The following SDK1 variants were observed in gnomAD, a reference collection of about 807,000 sequenced individuals.
The protein encoded by SDK1 is sidekick cell adhesion molecule 1.
Under a neutral mutation model 245.5 loss-of-function variants are expected in SDK1, and 157 were observed. That is an observed-to-expected ratio of 0.64 (90% CI 0.56 to 0.73). The LOEUF is 0.73. SDK1 is among the 30% of genes least tolerant of loss of function. The pLI is 0.00. For missense variants in SDK1, 3,583 were observed against 3,002.3 expected, an observed-to-expected ratio of 1.19 and a Z score of -4.52; for synonymous variants, 1,647 against 1,278.5, an observed-to-expected ratio of 1.29 and a Z score of -6.15.
intron 30 of SDK1, among the ~76,000 whole-genome samples, chr7:4,151,965 C>G (rs1780411854): frequency 6.6e-6 from 1 of 152,146 alleles, no homozygotes; most frequent in Non-Finnish European, 1.5e-5. Context: ...GTATGAAAAC[C>G]CAGTGTGTGT....
chr7:4,190,193 G>C (rs1221416509), intron 35 of SDK1, among the ~76,000 whole-genome samples: 6 of 152,160 alleles, frequency 3.9e-5, no homozygotes, highest in Non-Finnish European at 7.4e-5. Flanking sequence ...TCTCATCATC[G>C]ACGTTCCCAG....
At chr7:4,145,630 C>T (rs1008079908) in intron 28 of SDK1, 92 bp from the exon 29 acceptor site, 3 of 1,131,574 alleles carry the variant, frequency 2.7e-6, no homozygotes, top group African/African-American at 1.6e-5. Flanking sequence ...GACAGATGGC[C>T]TTCCAGGGGT....
intron 1 of SDK1, among the ~76,000 whole-genome samples, chr7:3,430,066 C>G (rs764235276): frequency 6.6e-6 from 1 of 152,226 alleles, no homozygotes; most frequent in South Asian, 2.1e-4. Flanking sequence ...AACTCTGCCT[C>G]TCACCTTGAG....
At chr7:3,487,365 G>A (rs944002482) in intron 1 of SDK1, among the ~76,000 whole-genome samples, 4 of 151,720 alleles carry the variant, frequency 2.6e-5, no homozygotes, top group African/African-American at 4.8e-5. Context: ...CTAAACCATC[G>A]TACTTAACAT....
At chr7:3,410,481 T>C (rs2128577177) in intron 1 of SDK1, among the ~76,000 whole-genome samples, 1 of 152,136 alleles carries the variant, frequency 6.6e-6, no homozygotes. Flanking sequence ...GGATACTCAA[T>C]TTGTGTACAC....
At position 3,710,331 on chromosome 7, in the gene SDK1, C is replaced by G. The variant is rs1785013396; in HGVS notation, c.713+68226C>G. On this transcript the variant is annotated intron_variant, in intron 4 of 44. Coordinates refer to ENST00000404826, the MANE Select transcript of SDK1 (RefSeq NM_152744.4). The stretch of plus-strand genomic sequence containing the variant: ...GGGCGTGAGATCCTCACATACTGAA[C>G]ACACACTTAGTAACTTTCTTGTTGA... Among the ~76,000 whole-genome samples the G allele has an allele frequency of 2.6e-5, 4 of 152,214 alleles. No individual in the cohort carries two copies. The South Asian group carries it at 8.3e-4, about 32-fold the overall frequency.
At position 3,942,133 on chromosome 7, in the gene SDK1, C is replaced by T. The variant is rs888853103; in HGVS notation, c.848-8790C>T. On this transcript the variant is annotated intron_variant, in intron 5 of 44. Coordinates refer to ENST00000404826, the MANE Select transcript of SDK1 (RefSeq NM_152744.4). ...GTGTTAGCTAGGATGGTCTCGATCT[C>T]CTGACCTCATGATCCGCCCACCCAA... 2.0e-5 allele frequency among the ~76,000 whole-genome samples: 3 copies of T among 152,124 alleles called. No homozygotes were observed. The East Asian group carries it at 5.8e-4, about 29-fold the overall frequency.
chr7:3,878,218 A>C (rs1273959599), intron 5 of SDK1, among the ~76,000 whole-genome samples: 1 of 152,220 alleles, frequency 6.6e-6, no homozygotes, highest in Non-Finnish European at 1.5e-5. Context: ...TCAGTTGTTT[A>C]AAAAATAAAT....
At chr7:3,925,566 G>T (rs765364526) in intron 5 of SDK1, among the ~76,000 whole-genome samples, 1 of 152,140 alleles carries the variant, frequency 6.6e-6, no homozygotes, top group Non-Finnish European at 1.5e-5. Context: ...CTCCAGAGAC[G>T]GCGTGTTCTC....
intron 22 of SDK1, among the ~76,000 whole-genome samples, chr7:4,091,836 G>T (rs575685692): frequency 1.3e-5 from 2 of 152,178 alleles, no homozygotes; most frequent in South Asian, 4.2e-4. Flanking sequence ...GAACAGTTCT[G>T]CAGCCCCCTC....
intron 14 of SDK1, among the ~76,000 whole-genome samples, chr7:3,989,091 C>G (rs545750949): frequency 6.6e-6 from 1 of 152,188 alleles, no homozygotes; most frequent in Non-Finnish European, 1.5e-5. Context: ...CTGCCGGCCT[C>G]CCTCTGTTAT....
chr7:4,103,298 C>T (rs1265052786), intron 22 of SDK1, among the ~76,000 whole-genome samples: 5 of 148,542 alleles, frequency 3.4e-5, no homozygotes, highest in East Asian at 4.1e-4. Flanking sequence ...CCGCGCCCGG[C>T]CCCCCACAGA....
chr7:3,301,406 G>A lies in SDK1; in HGVS notation c.-181G>A, dbSNP rs865913631. ...ACTTCTTCTCGCCCGGCTCGTCCCC[G>A]GCCCGCGCCGCGCCCCTCACGCGGG... On this transcript the variant is annotated 5_prime_UTR_variant, in exon 1 of 45. Coordinates refer to ENST00000404826, the MANE Select transcript of SDK1 (RefSeq NM_152744.4). 0.015 allele frequency: 2,257 copies of A among 149,150 alleles called. 49 individuals are homozygous for A. Among genetic ancestry groups the A allele is most frequent in the African/African-American group, 0.044 (1,816 of 40,870 alleles). The allele number at this position is 149,150 out of a possible 1,614,324, so 9.2% of individuals were successfully genotyped here. A position where few individuals can be genotyped will look rare whatever the true frequency, so the allele number is the denominator to read the frequency against.
intron 39 of SDK1, 89 bp downstream of exon 39, chr7:4,220,359 C>T (rs1295897745): frequency 1.5e-5 from 21 of 1,382,868 alleles, no homozygotes; most frequent in Middle Eastern, 2.6e-4. Context: ...TCTACATGGT[C>T]AACAAGGTGA....
chr7:3,872,229 T>G (rs988789668), intron 5 of SDK1, among the ~76,000 whole-genome samples: 1 of 152,212 alleles, frequency 6.6e-6, no homozygotes, highest in Admixed American at 6.5e-5. Flanking sequence ...ATATTCTCTA[T>G]TCATGAGAGT....
chr7:3,622,483 A>G (rs962819804), intron 2 of SDK1, among the ~76,000 whole-genome samples: 2 of 152,232 alleles, frequency 1.3e-5, no homozygotes, highest in African/African-American at 4.8e-5. Context: ...TCCATCTCCA[A>G]AAACAAAATT....
intron 44 of SDK1, among the ~76,000 whole-genome samples, chr7:4,263,177 C>T (rs1165749315): frequency 2.4e-4 from 8 of 32,838 alleles, no homozygotes; most frequent in African/African-American, 1.2e-3. Flanking sequence ...TTCCCCTCTA[C>T]CTCATCACCT....
At position 3,823,899 on chromosome 7, in the gene SDK1, G is replaced by A. The variant is rs142390127; in HGVS notation, c.847+2316G>A. On this transcript the variant is annotated intron_variant, in intron 5 of 44. Coordinates refer to ENST00000404826, the MANE Select transcript of SDK1 (RefSeq NM_152744.4). Reference sequence around the variant, plus strand: ...TAGGAGAACCTTCCTGGTGACATACGGGATTTACGTAAATGTTAAATGGCA... The same window carrying A: ...TAGGAGAACCTTCCTGGTGACATACAGGATTTACGTAAATGTTAAATGGCA... Among the ~76,000 whole-genome samples, 51 of 151,866 alleles carry A rather than the reference G, an allele frequency of 3.4e-4. No homozygotes were observed. In the East Asian group the frequency reaches 9.1e-3, roughly 27 times the overall value.
At chr7:3,682,951 CT>C (rs1159216229) in intron 4 of SDK1, among the ~76,000 whole-genome samples, 1 of 152,140 alleles carries the variant, frequency 6.6e-6, no homozygotes, top group Non-Finnish European at 1.5e-5. Flanking sequence ...CCAGGCTGGT[CT>C]GGAACTCCTG....
Sources: allele counts gnomAD v4.1 joint callset (sites outside exome capture counted in the v4.1 genomes callset), GRCh38; gene constraint gnomAD v4.1.1; transcripts MANE v1.5; gene names NCBI Gene and HGNC (gene_info 2026-07-23, HGNC 2026-07-21).